Variants in ZNF423 observed in about 807,000 individuals in gnomAD.
ZNF423 encodes Ebf-associated zinc finger protein.
ZNF423 carries 12 observed loss-of-function variants against 95.8 expected under a neutral mutation model. That is an observed-to-expected ratio of 0.13 (90% CI 0.08 to 0.20). The LOEUF (loss-of-function observed/expected upper bound fraction) is 0.20. Among genes scored for constraint, ZNF423 ranks in the 10% least tolerant of loss-of-function variants. The pLI is 1.00. For missense variants in ZNF423, 1,316 were observed against 1,737.1 expected, an observed-to-expected ratio of 0.76 and a Z score of 4.31; for synonymous variants, 749 against 711.9, an observed-to-expected ratio of 1.05 and a Z score of -0.83.
intron 2 of ZNF423, among the ~76,000 whole-genome samples, chr16:49,755,316 G>T: frequency 6.6e-6 from 1 of 152,238 alleles, no homozygotes; most frequent in East Asian, 1.9e-4. Flanking sequence ...GAACCCTCCC[G>T]CCTCCTCGCC....
intron 3 of ZNF423, among the ~76,000 whole-genome samples, chr16:49,679,432 C>T (rs991545258): frequency 1.3e-5 from 2 of 152,248 alleles, no homozygotes; most frequent in African/African-American, 4.8e-5. Flanking sequence ...AGTGCCTGCT[C>T]CTGCTGCCTG....
In ZNF423 at chr16:49,746,845, T is replaced by C. The variant is rs1482619574; in HGVS notation, c.101-15874A>G. On this transcript the variant is annotated intron_variant, in intron 2 of 7. Coordinates refer to ENST00000563137, the MANE Select transcript of ZNF423 (RefSeq NM_001379286.1). ...ACTTCCTCCTAACAGCTGGAGCCCA[T>C]CTACCCGAAGCAGCACCTCACGGTG... is the stretch of plus-strand genomic sequence containing the variant. 3.9e-5 allele frequency among the ~76,000 whole-genome samples: 6 copies of C among 152,068 alleles called. No individual in the cohort carries two copies. The South Asian group carries it at 1.0e-3, about 26-fold the overall frequency.
Position 49,636,005 on chromosome 16 carries a change from G to A in ZNF423, c.3171C>T (p.Ser1057=). The stretch of plus-strand genomic sequence containing the variant: ...GGCCATTGGGGGAGGACGCCGCTGA[G>A]CTGCCCGCCAGCTTCTGCATGTGGA... The part of the protein sequence containing the change: ...GTFHMQKLAG[S]SAASSPNGQG... The change falls in exon 4 of 8, where the codon AGC becomes AGT. Residue 1057 remains serine, a synonymous_variant. Transcript: ENST00000563137. This position sits in a 1 kb window ranked among gnomAD's most constrained non-coding sequence, Gnocchi z 8.6. 6.2e-7 allele frequency: 1 copy of A among 1,606,656 alleles called. No homozygotes were observed. The highest frequency in any genetic ancestry group is 8.5e-7 in the Non-Finnish European group (1 of 1,174,982).
chr16:49,620,432 G>A (rs545727286), intron 5 of ZNF423, among the ~76,000 whole-genome samples: 2 of 152,256 alleles, frequency 1.3e-5, no homozygotes, highest in South Asian at 2.1e-4. Context: ...CCATGTATTT[G>A]CCCCTGACAG....
chr16:49,588,715 A>T (rs1970917597), intron 5 of ZNF423, among the ~76,000 whole-genome samples: 1 of 152,242 alleles, frequency 6.6e-6, no homozygotes, highest in Non-Finnish European at 1.5e-5. Flanking sequence ...AAGCTTCTAG[A>T]GGGCAGCAAC....
chr16:49,569,044 C>T (rs540615496), intron 5 of ZNF423, among the ~76,000 whole-genome samples: 7 of 152,294 alleles, frequency 4.6e-5, no homozygotes, highest in Non-Finnish European at 8.8e-5. Context: ...CCGAGGAAAA[C>T]CCCCGCCTCT....
chr16:49,563,044 A>C (rs1197623677), intron 5 of ZNF423, among the ~76,000 whole-genome samples: 1 of 152,100 alleles, frequency 6.6e-6, no homozygotes, highest in African/African-American at 2.4e-5. Flanking sequence ...TGGCCTCCCA[A>C]AGTGCTGGAA....
chr16:49,793,401 C>G (rs1353777784), intron 1 of ZNF423, among the ~76,000 whole-genome samples: 1 of 152,232 alleles, frequency 6.6e-6, no homozygotes, highest in East Asian at 1.9e-4. Context: ...CAGAGAAACC[C>G]CAATCCGCAC....
At chr16:49,564,854 G>A (rs982611680) in intron 5 of ZNF423, among the ~76,000 whole-genome samples, 33 of 152,204 alleles carry the variant, frequency 2.2e-4, no homozygotes, top group Admixed American at 9.2e-4. Context: ...TCACAGCTCT[G>A]TACAAAGTTC....
chr16:49,840,074 GGAAT>G (rs1483954733), intron 1 of ZNF423, among the ~76,000 whole-genome samples: 1 of 152,154 alleles, frequency 6.6e-6, no homozygotes, highest in Admixed American at 6.5e-5. Context: ...ACATGTGCGA[GGAAT>G]GAATGAACAA....
intron 1 of ZNF423, among the ~76,000 whole-genome samples, chr16:49,816,283 C>T (rs1045873266): frequency 3.3e-5 from 5 of 152,078 alleles, no homozygotes; most frequent in Non-Finnish European, 5.9e-5. Flanking sequence ...ATGCGCTCCT[C>T]GGGTTCCCAG....
intron 2 of ZNF423, among the ~76,000 whole-genome samples, chr16:49,765,871 G>A (rs1596985131): frequency 1.3e-5 from 2 of 152,158 alleles, no homozygotes; most frequent in Admixed American, 1.3e-4. Flanking sequence ...CCTGGCTGCA[G>A]TAGTCAAATT....
intron 3 of ZNF423, among the ~76,000 whole-genome samples, chr16:49,644,658 C>CAAAAAAAAA (rs56066766): frequency 2.0e-4 from 8 of 39,566 alleles, no homozygotes; most frequent in Non-Finnish European, 3.0e-4. Context: ...AACTCTGACT[C>CAAAAAAAAA]AAAAAAAAAA....
At chr16:49,807,255 C>A (rs1212084072) in intron 1 of ZNF423, among the ~76,000 whole-genome samples, 2 of 151,870 alleles carry the variant, frequency 1.3e-5, no homozygotes, top group African/African-American at 2.4e-5. Context: ...TGCGGTGAAA[C>A]CCCATCTCTA....
At chr16:49,590,850 CA>C (rs377015612) in intron 5 of ZNF423, among the ~76,000 whole-genome samples, 20 of 152,340 alleles carry the variant, frequency 1.3e-4, no homozygotes, top group African/African-American at 4.8e-4. Context: ...GCCTTTCCCC[CA>C]CCACCACTCT....
rs181908400 is a variant in ZNF423, at chr16:49,522,195, G to T, written c.3849+1429C>A. Reference sequence around the variant, plus strand: ...CCCCTGGAGGGCCAAACTGGTGTGTGTGAGTCCTTAGGGCTCCCTTCTCCT... The same window carrying T: ...CCCCTGGAGGGCCAAACTGGTGTGTTTGAGTCCTTAGGGCTCCCTTCTCCT... On this transcript the variant is annotated intron_variant, in intron 7 of 7. Transcript: ENST00000563137. Among the ~76,000 whole-genome samples the T allele has an allele frequency of 3.6e-3, 553 of 152,344 alleles. 9 individuals are homozygous for T. Among genetic ancestry groups the T allele is most frequent in the Admixed American group, 0.03 (458 of 15,312 alleles).
intron 3 of ZNF423, among the ~76,000 whole-genome samples, chr16:49,670,097 C>T (rs1433377357): frequency 6.6e-6 from 1 of 152,218 alleles, no homozygotes; most frequent in Non-Finnish European, 1.5e-5. Context: ...GTCAGGGAGG[C>T]TCACGCCAGG....
intron 5 of ZNF423, among the ~76,000 whole-genome samples, chr16:49,615,153 C>CACACACAG (rs2151849495): frequency 6.6e-6 from 1 of 151,818 alleles, no homozygotes; most frequent in South Asian, 2.1e-4. Flanking sequence ...CACACACACA[C>CACACACAG]ACACACACAC....
At chr16:49,646,479 C>G (rs968541671) in intron 3 of ZNF423, among the ~76,000 whole-genome samples, 1 of 152,112 alleles carries the variant, frequency 6.6e-6, no homozygotes, top group Non-Finnish European at 1.5e-5. Context: ...TAGCTCCTCC[C>G]TCATCTTATT....
Sources: allele counts gnomAD v4.1 joint callset (sites outside exome capture counted in the v4.1 genomes callset), GRCh38; gene constraint gnomAD v4.1.1; non-coding constraint Gnocchi (gnomAD v3.1); transcripts MANE v1.5; gene names NCBI Gene and HGNC (gene_info 2026-07-23, HGNC 2026-07-21).